The following SAMD12 variants were observed in gnomAD, a reference collection of about 807,000 sequenced individuals.
SAMD12 encodes sterile alpha motif domain-containing protein 12.
Under a neutral mutation model 15.0 loss-of-function variants are expected in SAMD12, and 9 were observed. That is an observed-to-expected ratio of 0.60 (90% CI 0.36 to 1.05). SAMD12 has a LOEUF of 1.05. SAMD12 is among the 50% of genes least tolerant of loss of function. The pLI, the probability that SAMD12 is intolerant of heterozygous loss-of-function variation, is 0.01. For missense variants in SAMD12, 230 were observed against 234.2 expected (o/e 0.98, Z 0.12); for synonymous variants, 86 against 90.1 (o/e 0.96, Z 0.25).
intron 4 of SAMD12, among the ~76,000 whole-genome samples, chr8:118,272,979 G>C (rs969555312): frequency 6.6e-6 from 1 of 152,076 alleles, no homozygotes; most frequent in Non-Finnish European, 1.5e-5. Flanking sequence ...ACCTCTGCCT[G>C]TTACCCAGTT....
chr8:118,425,149 AG>A (rs1286758505), intron 3 of SAMD12, among the ~76,000 whole-genome samples: 7 of 152,120 alleles, frequency 4.6e-5, no homozygotes, highest in Non-Finnish European at 5.9e-5. Flanking sequence ...CGTGTTAGCC[AG>A]GATGGTCTCA....
chr8:118,244,616 C>T (rs192814400), intron 4 of SAMD12, among the ~76,000 whole-genome samples: 231 of 151,982 alleles, frequency 1.5e-3, no homozygotes, highest in African/African-American at 5.3e-3. Context: ...TAATGATTAT[C>T]GTAGCTAAAA....
chr8:118,386,561 C>T (rs1819972791), intron 3 of SAMD12, among the ~76,000 whole-genome samples: 2 of 152,180 alleles, frequency 1.3e-5, no homozygotes. Context: ...CAGCCTATCA[C>T]AGCTGAAAGG....
At chr8:118,426,171 T>C (rs1822229998) in intron 3 of SAMD12, among the ~76,000 whole-genome samples, 1 of 152,226 alleles carries the variant, frequency 6.6e-6, no homozygotes, top group Non-Finnish European at 1.5e-5. Context: ...TATTGACTAG[T>C]AATGATAATA....
rs982534935 is a variant in SAMD12, at chr8:118,326,372, G to C, written c.433+53188C>G. ...GCCAAAAACTCAGGGTCCCAAGTTAGGGGAAGGCTTGGGGAAGATTATCTA... is the reference window on the plus strand; with the variant it reads ...GCCAAAAACTCAGGGTCCCAAGTTACGGGAAGGCTTGGGGAAGATTATCTA... On this transcript the variant is annotated intron_variant, in intron 4 of 4. Transcript: ENST00000409003. 3.3e-5 allele frequency among the ~76,000 whole-genome samples: 5 copies of C among 152,238 alleles called. No individual in the cohort carries two copies. In the East Asian group the frequency reaches 9.6e-4, roughly 29 times the overall value.
chr8:118,149,779 T>G, the SAMD12 span, among the ~76,000 whole-genome samples: 1 of 152,182 alleles, frequency 6.6e-6, no homozygotes, highest in African/African-American at 2.4e-5. Flanking sequence ...TTTATTTTTT[T>G]AATTTTTTTG....
At chr8:118,521,303 C>T (rs1453402197) in intron 2 of SAMD12, among the ~76,000 whole-genome samples, 1 of 152,164 alleles carries the variant, frequency 6.6e-6, no homozygotes, top group East Asian at 1.9e-4. Context: ...ACACTGGCTG[C>T]CATGTCTATT....
chr8:118,508,388 T>C (rs989835027), intron 2 of SAMD12, among the ~76,000 whole-genome samples: 8 of 151,654 alleles, frequency 5.3e-5, no homozygotes, highest in African/African-American at 1.9e-4. Context: ...AAGAAAAAAA[T>C]AGAGAAAAAA....
At chr8:118,248,440 T>C (rs1372154596) in intron 4 of SAMD12, among the ~76,000 whole-genome samples, 1 of 152,058 alleles carries the variant, frequency 6.6e-6, no homozygotes. Flanking sequence ...TGGTCAACAC[T>C]GATGGATTGG....
intron 2 of SAMD12, among the ~76,000 whole-genome samples, chr8:118,542,297 A>G (rs897352528): frequency 6.6e-6 from 1 of 152,344 alleles, no homozygotes; most frequent in Non-Finnish European, 1.5e-5. Flanking sequence ...CTTATTCTCA[A>G]TGAAAAAATA....
intron 2 of SAMD12, among the ~76,000 whole-genome samples, chr8:118,452,208 A>G (rs4876845): frequency 0.72 from 109,527 of 151,916 alleles, 39,827 homozygotes; most frequent in African/African-American, 0.81. Flanking sequence ...GAGAAAATAC[A>G]TTTTGTTGTT....
In SAMD12 at chr8:118,439,779, C is replaced by T. The variant is rs1401579787; in HGVS notation, c.322+53G>A. ...ATGGTAAGGGTATGGGAAAGGCTAT[C>T]GTGACTGGGAGAAAGAAAAGGAGTG... On this transcript the variant is annotated intron_variant, in intron 3 of 3. Transcript: ENST00000314727. The T allele has an allele frequency of 6.5e-5, 103 of 1,578,520 alleles. No homozygotes were observed. The South Asian group carries it at 7.5e-4, about 12-fold the overall frequency.
chr8:118,278,890 A>G (rs1235855191), intron 4 of SAMD12, among the ~76,000 whole-genome samples: 4 of 152,198 alleles, frequency 2.6e-5, no homozygotes, highest in African/African-American at 9.7e-5. Flanking sequence ...TGGCTCATAT[A>G]AGATGTTGTC....
At chr8:118,478,703 A>G (rs79084591) in intron 2 of SAMD12, among the ~76,000 whole-genome samples, 3,388 of 152,178 alleles carry the variant, frequency 0.022, 37 homozygotes, top group Non-Finnish European at 0.029. Flanking sequence ...CTGCCTCTCT[A>G]TGTCAGTTAT....
chr8:118,283,369 C>G (rs1354689655), intron 4 of SAMD12, among the ~76,000 whole-genome samples: 1 of 152,144 alleles, frequency 6.6e-6, no homozygotes, highest in African/African-American at 2.4e-5. Context: ...AGATATAAAA[C>G]CCAAGGCAAC....
Position 118,524,162 on chromosome 8 carries a change from T to C in SAMD12, c.192+56553A>G, listed in dbSNP as rs528569641. Among the ~76,000 whole-genome samples, 10 of 152,224 alleles carry C rather than the reference T, an allele frequency of 6.6e-5. No individual in the cohort carries two copies. In the East Asian group the frequency reaches 1.9e-3, roughly 29 times the overall value. On this transcript the variant is annotated intron_variant, in intron 2 of 3. Transcript: ENST00000314727. ...GTTGTTCTTGCTCTTGTTCTCCAAA[T>C]CCACCAGACCCACTCTCTTGTGAAC...
At chr8:118,596,470 G>A (rs144710297) in intron 1 of SAMD12, among the ~76,000 whole-genome samples, 1 of 152,132 alleles carries the variant, frequency 6.6e-6, no homozygotes, top group South Asian at 2.1e-4. Context: ...CTATCCACCT[G>A]CTATATCTAA....
chr8:118,269,572 TG>T (rs1813294935), intron 4 of SAMD12, among the ~76,000 whole-genome samples: 1 of 152,154 alleles, frequency 6.6e-6, no homozygotes, highest in South Asian at 2.1e-4. Context: ...AGTCTATGGC[TG>T]CTTTCAGGTT....
intron 4 of SAMD12, among the ~76,000 whole-genome samples, chr8:118,240,159 C>T (rs147119623): frequency 1.4e-3 from 208 of 152,176 alleles, no homozygotes; most frequent in African/African-American, 4.6e-3. Flanking sequence ...GAGGAGCTAA[C>T]GCTTCTTGCC....
Sources: allele counts gnomAD v4.1 joint callset (sites outside exome capture counted in the v4.1 genomes callset), GRCh38; gene constraint gnomAD v4.1.1; transcripts MANE v1.5; gene names NCBI Gene and HGNC (gene_info 2026-07-23, HGNC 2026-07-21).